The following CCDC18 variants were observed in gnomAD, a reference collection of about 807,000 sequenced individuals.
CCDC18 encodes coiled-coil domain containing 18.
In CCDC18, 157 loss-of-function variants were observed where a neutral mutation model predicts 196.0. That is an observed-to-expected ratio of 0.80 (90% CI 0.70 to 0.91). The LOEUF (loss-of-function observed/expected upper bound fraction) is 0.91, where lower values mean the gene tolerates loss of function less well. Ranked by LOEUF, CCDC18 falls within the 40% of genes least tolerant of loss-of-function variation. CCDC18 has a pLI of 0.00. For synonymous variants in CCDC18, 482 were observed against 529.2 expected (o/e 0.91, Z 1.22); for missense variants, 1,465 against 1,611.6 (o/e 0.91, Z 1.56).
chr1:93,198,770 C>T (rs566452497), intron 6 of CCDC18, among the ~76,000 whole-genome samples: 82 of 152,156 alleles, frequency 5.4e-4, no homozygotes, highest in South Asian at 3.9e-3. Flanking sequence ...ACTTCAGGCT[C>T]GCAGATAGTT....
Position 93,216,680 on chromosome 1 carries a change from G to A in CCDC18, c.1764G>A (p.Leu588=). The A allele has an allele frequency of 1.9e-6, 3 of 1,585,522 alleles. No individual in the cohort carries two copies. Among genetic ancestry groups the A allele is most frequent in the Non-Finnish European group, 2.6e-6 (3 of 1,168,174 alleles). The change falls in exon 13 of 29, where the codon CTG becomes CTA. Residue 588 remains leucine (L), a synonymous_variant. Transcript: ENST00000690025. ...AACTTTTAACTCTTGAGAAACAGCT[G>A]GAAGAAAAGATAGTTGCTTATTCCT... is the stretch of plus-strand genomic sequence containing the variant. ...CSQLLTLEKQ[L]EEKIVAYSSI...
chr1:93,223,267 A>T (rs1657741895), intron 16 of CCDC18, among the ~76,000 whole-genome samples: 1 of 152,218 alleles, frequency 6.6e-6, no homozygotes. Context: ...ATGAAGTATG[A>T]TGTTGGATTT....
chr1:93,214,638 T>C (rs1656193846), intron 11 of CCDC18, 105 bp from the exon 12 acceptor site: 7 of 724,954 alleles, frequency 9.7e-6, no homozygotes, highest in Middle Eastern at 4.0e-4. Context: ...TAGTACTCTT[T>C]AGATCAGAAA....
In CCDC18 at chr1:93,239,436, TCAGA is replaced by T. The variant is rs749527940; in HGVS notation, c.2733_2736del (p.Thr912ArgfsTer4). 1.9e-6 allele frequency: 3 copies of T among 1,612,654 alleles called. No homozygotes were observed. The East Asian group carries it at 6.7e-5, about 36-fold the overall frequency. On this transcript the variant is annotated frameshift_variant, in exon 20 of 29. Coordinates refer to ENST00000690025, the MANE Select transcript of CCDC18 (RefSeq NM_001378204.1). LOFTEE classifies it high-confidence loss of function. The stretch of plus-strand genomic sequence containing the variant: ...TCTCTCAATTAGATATGATCTTAGA[TCAGA>T]CAAAGACAGAGCTAGAAAAGAAAAC...
chr1:93,270,770 CTA>C lies in CCDC18; in HGVS notation c.4311_4312del (p.Leu1438LysfsTer24). 1 of 1,545,986 alleles carries C rather than the reference CTA, an allele frequency of 6.5e-7. No individual in the cohort carries two copies. On this transcript the variant is annotated frameshift_variant, in exon 28 of 29. Coordinates refer to ENST00000690025, the MANE Select transcript of CCDC18 (RefSeq NM_001378204.1). LOFTEE classifies it high-confidence loss of function. ...MLRYINKEVR[L>X]LKKSSMQTGA... ...AAGATACATAAACAAAGAAGTAAGA[CTA>C]TTAAAAAAGTCTTCTATGCAAACAG...
At chr1:93,275,037 T>C (rs1174994613) in intron 28 of CCDC18, among the ~76,000 whole-genome samples, 1 of 152,216 alleles carries the variant, frequency 6.6e-6, no homozygotes, top group African/African-American at 2.4e-5. Context: ...CCTGTGGTAG[T>C]GACCACCTCA....
At chr1:93,208,337 T>TA (rs1655045288) in intron 9 of CCDC18, among the ~76,000 whole-genome samples, 6 of 88,768 alleles carry the variant, frequency 6.8e-5, no homozygotes, top group Admixed American at 1.1e-4. Flanking sequence ...TTTTTTTGTT[T>TA]GTTTGTTTTT....
At chr1:93,215,294 A>G (rs1004618531) in intron 12 of CCDC18, among the ~76,000 whole-genome samples, 1 of 152,124 alleles carries the variant, frequency 6.6e-6, no homozygotes, top group Non-Finnish European at 1.5e-5. Context: ...ACTTTGGATT[A>G]TGCTGTTGGA....
At chr1:93,185,200 T>C (rs923122876) in intron 3 of CCDC18, among the ~76,000 whole-genome samples, 1 of 151,956 alleles carries the variant, frequency 6.6e-6, no homozygotes, top group Non-Finnish European at 1.5e-5. Flanking sequence ...ACCTATAGAA[T>C]TATTAAACAT....
At chr1:93,216,935 C>CTCTCT (rs781629982) in intron 13 of CCDC18, among the ~76,000 whole-genome samples, 189 bp downstream of exon 13, 11 of 132,768 alleles carry the variant, frequency 8.3e-5, no homozygotes, top group African/African-American at 1.8e-4. Flanking sequence ...CAAGTTTTCT[C>CTCTCT]TTTTTTTTTT....
chr1:93,183,335 A>G (rs770576242), intron 1 of CCDC18, 25 bp from the exon 2 acceptor site: 248 of 1,489,968 alleles, frequency 1.7e-4, no homozygotes, highest in Non-Finnish European at 2.2e-4. Flanking sequence ...CAGACAAGGT[A>G]CAAGAAATTC....
Position 93,184,097 on chromosome 1 carries a change from G to C in CCDC18, c.254G>C (p.Cys85Ser). The C allele has an allele frequency of 6.4e-7, 1 of 1,566,862 alleles. No homozygotes were observed. ...LLNYSPYENVCKISGSSTDFQ... is the reference protein window; with the variant it reads ...LLNYSPYENVSKISGSSTDFQ... ...AATTATTCACCTTATGAAAACGTCT[G>C]TAAAATATCTGGTAGCAGCACTGAT... Residue 85 changes from cysteine to serine, a missense_variant, in exon 3 of 29, where the codon TGT becomes TCT. By Grantham distance (112) the Cys-to-Ser change is moderately radical. Transcript: ENST00000690025.
chr1:93,236,219 A>G (rs2100782615), intron 18 of CCDC18, 29 bp from the exon 19 acceptor site: 3 of 1,538,110 alleles, frequency 2.0e-6, no homozygotes, highest in East Asian at 2.4e-5. Context: ...TTCTGAATTT[A>G]AAATGTTTAC....
At chr1:93,226,582 G>A (rs1358767146) in intron 17 of CCDC18, 133 bp downstream of exon 17, 2 of 305,352 alleles carry the variant, frequency 6.5e-6, no homozygotes, top group Non-Finnish European at 1.2e-5. Context: ...TGCCCAGGCT[G>A]GAGTACAGTG....
At chr1:93,191,050 A>G (rs1369616326) in intron 4 of CCDC18, 5 of 826,810 alleles carry the variant, frequency 6.0e-6, no homozygotes, top group Non-Finnish European at 1.0e-5. Flanking sequence ...GGTTTTAGGA[A>G]TGTTCACCAT....
intron 3 of CCDC18, among the ~76,000 whole-genome samples, chr1:93,184,381 T>TA (rs1650270184): frequency 1.3e-5 from 2 of 151,938 alleles, no homozygotes; most frequent in Non-Finnish European, 3.0e-5. Context: ...CTTTTAAACT[T>TA]ACATATTTAT....
chr1:93,195,344 G>A (rs774590515), intron 6 of CCDC18, among the ~76,000 whole-genome samples: 4 of 152,212 alleles, frequency 2.6e-5, no homozygotes, highest in Non-Finnish European at 5.9e-5. Context: ...AGACAGGCTG[G>A]ATCCAGACTG....
At chr1:93,267,063 G>A (rs891025563) in intron 27 of CCDC18, among the ~76,000 whole-genome samples, 32 of 152,208 alleles carry the variant, frequency 2.1e-4, no homozygotes, top group African/African-American at 7.2e-4. Context: ...CTGGCAAACC[G>A]AATCCAGCAG....
chr1:93,233,877 G>A (rs945132299), intron 18 of CCDC18, among the ~76,000 whole-genome samples: 17 of 152,220 alleles, frequency 1.1e-4, no homozygotes, highest in South Asian at 4.1e-4. Flanking sequence ...GATTACAGGC[G>A]TGAGCCACTG....
Sources: allele counts gnomAD v4.1 joint callset (sites outside exome capture counted in the v4.1 genomes callset), GRCh38; gene constraint gnomAD v4.1.1; transcripts MANE v1.5; gene names NCBI Gene and HGNC (gene_info 2026-07-23, HGNC 2026-07-21).